UNC93A: variants seen among roughly 807,000 people sequenced by gnomAD.
UNC93A encodes N-acetylglucosamine transporter UNC93A.
Under a neutral mutation model 47.5 loss-of-function variants are expected in UNC93A, and 43 were observed. That is an observed-to-expected ratio of 0.91 (90% CI 0.71 to 1.17). The LOEUF (loss-of-function observed/expected upper bound fraction) is 1.17, where lower values mean the gene tolerates loss of function less well. Among genes scored for constraint, UNC93A ranks in the 50% most tolerant of loss-of-function variants. UNC93A has a pLI of 0.00. For synonymous variants in UNC93A, 280 were observed against 258.0 expected, an observed-to-expected ratio of 1.09 and a Z score of -0.82; for missense variants, 605 against 577.6, an observed-to-expected ratio of 1.05 and a Z score of -0.49.
chr6:167,299,485 T>C (rs2346124), intron 4 of UNC93A, among the ~76,000 whole-genome samples: 33,383 of 152,110 alleles, frequency 0.22, 3,913 homozygotes, highest in African/African-American at 0.3. Context: ...GTCGACAAAG[T>C]GTACTGAGCA....
rs34604614 is a variant in UNC93A at position 167,296,207 on chromosome 6, G to T, written c.445G>T (p.Gly149Cys). ...GIFFLIFQSS[G>C]VWGNLISSLV... is the part of the protein sequence containing the mutation. ...CTTCTTCCTCATATTCCAGTCATCC[G>T]GTGTGTGGGGCAACTTGATCTCATC... The change falls in exon 3 of 8, where the codon GGT becomes TGT. Residue 149 changes from glycine to cysteine, a missense_variant. Gly to Cys is a radical substitution (Grantham distance 159, BLOSUM62 -3). Coordinates refer to ENST00000230256, the MANE Select transcript of UNC93A (RefSeq NM_018974.4). The T allele has an allele frequency of 4.3e-5, 70 of 1,614,084 alleles. No individual in the cohort carries two copies. In the African/African-American group the frequency reaches 8.3e-4, roughly 19 times the overall value.
chr6:167,307,669 AGTTCCAGAGGACG>A, intron 6 of UNC93A, 97 bp from the exon 7 acceptor site: 1 of 1,367,700 alleles, frequency 7.3e-7, no homozygotes, highest in Non-Finnish European at 1.0e-6. Flanking sequence ...TCCAGAGGAC[AGTTCCAGAGGACG>A]GTTGAGATGG....
intron 1 of UNC93A, among the ~76,000 whole-genome samples, chr6:167,276,720 G>A (rs936096946): frequency 6.6e-6 from 1 of 152,146 alleles, no homozygotes; most frequent in Admixed American, 6.5e-5. Context: ...AATTTTCACA[G>A]GACACTACTG....
At chr6:167,281,290 C>A (rs1178207812) in intron 1 of UNC93A, among the ~76,000 whole-genome samples, 2 of 152,088 alleles carry the variant, frequency 1.3e-5, no homozygotes, top group Non-Finnish European at 2.9e-5. Context: ...GGATGCCCAC[C>A]AAGGGGAGAC....
intron 5 of UNC93A, among the ~76,000 whole-genome samples, chr6:167,304,905 A>C (rs1778338403): frequency 6.6e-6 from 1 of 152,166 alleles, no homozygotes; most frequent in Non-Finnish European, 1.5e-5. Context: ...CAATCTAAAA[A>C]TCGATGTGGC....
chr6:167,315,638 C>T lies in UNC93A; in HGVS notation c.*186C>T, dbSNP rs1778673545. ...TTCTAACAAATTTTTCGTCCACCAT[C>T]TTAACAGAGATCAAGTGTATACATG... On this transcript the variant is annotated 3_prime_UTR_variant, in exon 8 of 8. Coordinates refer to ENST00000230256, the MANE Select transcript of UNC93A (RefSeq NM_018974.4). The T allele has an allele frequency of 1.4e-6, 1 of 697,528 alleles. No homozygotes were observed. Among genetic ancestry groups the T allele is most frequent in the Non-Finnish European group, 2.3e-6 (1 of 439,038 alleles). 43.2% of individuals were successfully genotyped at this position (697,528 alleles called of 1,614,324 possible).
chr6:167,302,556 G>A (rs903994767), intron 4 of UNC93A, among the ~76,000 whole-genome samples: 1 of 152,134 alleles, frequency 6.6e-6, no homozygotes, highest in Non-Finnish European at 1.5e-5. Flanking sequence ...ATGAGGGGAC[G>A]AAAGGGCTTC....
upstream of UNC93A, among the ~76,000 whole-genome samples, chr6:167,269,063 G>T (rs376182328): frequency 7.9e-5 from 12 of 152,356 alleles, 1 homozygote; most frequent in Middle Eastern, 3.4e-3. Flanking sequence ...GGACGAAGCA[G>T]CTGGAGGGGC....
chr6:167,305,779 G>A (rs1030475818), intron 5 of UNC93A, 136 bp from the exon 6 acceptor site: 1 of 1,230,292 alleles, frequency 8.1e-7, no homozygotes, highest in Non-Finnish European at 1.2e-6. Flanking sequence ...GAGCCACAGA[G>A]CCTAGAGGAA....
At chr6:167,297,242 G>A (rs975139655) in intron 3 of UNC93A, among the ~76,000 whole-genome samples, 9 of 152,182 alleles carry the variant, frequency 5.9e-5, no homozygotes, top group Admixed American at 5.9e-4. Context: ...ATCTGGGGCT[G>A]GAGGGATTTG....
intron 1 of UNC93A, among the ~76,000 whole-genome samples, chr6:167,278,309 A>G (rs1369425455): frequency 4.6e-5 from 7 of 152,186 alleles, no homozygotes; most frequent in Non-Finnish European, 1.0e-4. Context: ...CGAAGAGGAC[A>G]GTGCCACAGA....
chr6:167,285,844 A>G (rs1469530861), intron 1 of UNC93A, among the ~76,000 whole-genome samples: 1 of 151,500 alleles, frequency 6.6e-6, no homozygotes, highest in East Asian at 2.0e-4. Flanking sequence ...TCTTCTTTAA[A>G]GTATAGAAGT....
At chr6:167,314,404 C>T (rs868438144) in intron 7 of UNC93A, among the ~76,000 whole-genome samples, 8 of 152,148 alleles carry the variant, frequency 5.3e-5, no homozygotes, top group African/African-American at 1.2e-4. Flanking sequence ...CCTGCCTCAC[C>T]GGGGCTCAGG....
At chr6:167,283,177 A>G (rs1233783247) in intron 1 of UNC93A, among the ~76,000 whole-genome samples, 1 of 152,232 alleles carries the variant, frequency 6.6e-6, no homozygotes. Context: ...ACAGCTTTGC[A>G]GGGCCATTTC....
In UNC93A at chr6:167,315,301, A is replaced by C. The variant is rs1778662901; in HGVS notation, c.1223A>C (p.His408Pro). 2 of 1,613,842 alleles carry C rather than the reference A, an allele frequency of 1.2e-6. No homozygotes were observed. Among genetic ancestry groups the C allele is most frequent in the Admixed American group, 1.7e-5 (1 of 60,006 alleles). ...AFGYSMFLCV[H>P]VKLYILLGVL... The stretch of plus-strand genomic sequence containing the variant: ...GGGTACAGCATGTTTTTGTGCGTGC[A>C]CGTCAAGCTCTACATTCTGCTGGGG... The change falls in exon 8 of 8, where the codon CAC becomes CCC. Residue 408 changes from histidine (H) to proline (P), a missense_variant. His to Pro is a moderately conservative substitution (Grantham distance 77, BLOSUM62 -2). Coordinates refer to ENST00000230256, the MANE Select transcript of UNC93A (RefSeq NM_018974.4).
At chr6:167,311,980 C>T (rs913530257) in intron 7 of UNC93A, among the ~76,000 whole-genome samples, 8 of 123,092 alleles carry the variant, frequency 6.5e-5, no homozygotes, top group Admixed American at 4.6e-4. Flanking sequence ...AGGCTTCCCA[C>T]GAGGGTTCTT....
At chr6:167,283,666 C>T (rs893032313) in intron 1 of UNC93A, among the ~76,000 whole-genome samples, 4 of 152,220 alleles carry the variant, frequency 2.6e-5, no homozygotes, top group East Asian at 1.9e-4. Context: ...GAATGAGTTG[C>T]GGAACATGCC....
upstream of UNC93A, among the ~76,000 whole-genome samples, chr6:167,288,676 C>T (rs1422035341): frequency 1.3e-5 from 2 of 152,166 alleles, no homozygotes; most frequent in Non-Finnish European, 2.9e-5. Flanking sequence ...TATTAATTTG[C>T]TTACATGAGT....
intron 7 of UNC93A, 113 bp downstream of exon 7, chr6:167,308,023 G>A (rs1481920764): frequency 7.0e-7 from 1 of 1,421,046 alleles, no homozygotes; most frequent in Non-Finnish European, 9.4e-7. Context: ...AGATGAGTTG[G>A]GAGAGACGGG....
Sources: gnomAD v4.1 joint callset for allele counts (sites outside exome capture counted in the v4.1 genomes callset) on GRCh38, gnomAD v4.1.1 for gene constraint, MANE v1.5 for transcripts, NCBI Gene and HGNC (gene_info 2026-07-23, HGNC 2026-07-21) for gene names.